Variants in CPAMD8 observed in about 807,000 individuals in gnomAD.
CPAMD8 encodes C3 and PZP-like alpha-2-macroglobulin domain-containing protein 8.
A neutral mutation model predicts 224.7 loss-of-function variants in CPAMD8; 146 were observed. That is an observed-to-expected ratio of 0.65 (90% CI 0.57 to 0.75). The LOEUF is 0.75. Among genes scored for constraint, CPAMD8 ranks in the 30% least tolerant of loss-of-function variants. The probability of loss-of-function intolerance (pLI) is 0.00; values close to 1 mark genes in which losing one functional copy is unlikely to be tolerated. For synonymous variants in CPAMD8, 966 were observed against 1,044.6 expected (o/e 0.92, Z 1.45); for missense variants, 2,301 against 2,537.5 (o/e 0.91, Z 2.00).
intron 14 of CPAMD8, among the ~76,000 whole-genome samples, chr19:16,979,643 T>C (rs887009733): frequency 2.6e-5 from 4 of 151,938 alleles, no homozygotes; most frequent in Non-Finnish European, 4.4e-5. Context: ...TCTTTCTATC[T>C]GTCCATCCAT....
chr19:16,906,395 TTTCTTTCTTTCTTTCCTTCC>T (rs1207930022), intron 30 of CPAMD8, among the ~76,000 whole-genome samples: 53 of 80,190 alleles, frequency 6.6e-4, no homozygotes, highest in Admixed American at 1.2e-3. Flanking sequence ...TCTTTCTTTC[TTTCTTTCTTTCTTTCCTTCC>T]TTCCTTCCTT....
In CPAMD8 at chr19:16,899,645, C is replaced by A; in HGVS notation, c.4774-96G>T. ...TGGTCAGTGGGATGCTTGGACTTGCCCACAAGTTACCATGGGCTGGGGTCT... is the reference window on the plus strand; with the variant it reads ...TGGTCAGTGGGATGCTTGGACTTGCACACAAGTTACCATGGGCTGGGGTCT... On this transcript the variant is annotated intron_variant, in intron 36 of 41. Transcript: ENST00000443236. This position sits in a 1 kb window ranked among gnomAD's most constrained non-coding sequence, Gnocchi z 5.4. The A allele has an allele frequency of 1.4e-6, 1 of 720,394 alleles. No individual in the cohort carries two copies. The allele number at this position is 720,394 out of a possible 1,614,324, so 44.6% of individuals were successfully genotyped here.
chr19:16,903,588 G>A lies in CPAMD8; in HGVS notation c.4443C>T (p.Ala1481=). The change falls in exon 34 of 42, where the codon GCC becomes GCT. Residue 1481 remains alanine, a synonymous_variant. Transcript: ENST00000443236. ...PSLPTGLFVS[A]KGDGCCLMQI... is the part of the protein sequence containing the mutation. ...GCATCAGGCAGCAGCCGTCCCCCTT[G>A]GCACTCACAAACAGCCCCGTGGGGA... 4 of 1,614,116 alleles carry A rather than the reference G, an allele frequency of 2.5e-6. No individual in the cohort carries two copies. The highest frequency in any genetic ancestry group is 2.5e-6 in the Non-Finnish European group (3 of 1,180,006).
At chr19:16,951,362 G>A (rs542633222) in intron 20 of CPAMD8, among the ~76,000 whole-genome samples, 3 of 151,902 alleles carry the variant, frequency 2.0e-5, no homozygotes, top group East Asian at 3.9e-4. Context: ...ATGGTTAGGA[G>A]GAAAAAAAAT....
chr19:17,009,221 T>C (rs376317363), intron 6 of CPAMD8, 82 bp downstream of exon 6: 28 of 1,610,802 alleles, frequency 1.7e-5, no homozygotes, highest in East Asian at 2.2e-5. Context: ...AGGCAGACAG[T>C]GAGCGAAGAC....
intron 22 of CPAMD8, among the ~76,000 whole-genome samples, chr19:16,939,584 G>A (rs114545189): frequency 0.015 from 2,325 of 152,268 alleles, 52 homozygotes; most frequent in African/African-American, 0.05. Flanking sequence ...CTCTATCTGG[G>A]CGCGTCCAGG....
intron 20 of CPAMD8, 132 bp from the exon 21 acceptor site, chr19:16,947,359 C>G (rs1022109602): frequency 6.2e-6 from 7 of 1,136,646 alleles, no homozygotes; most frequent in South Asian, 3.1e-5. Context: ...ATGCTCCCCC[C>G]GGGAAGGTCC....
intron 16 of CPAMD8, 97 bp from the exon 17 acceptor site, chr19:16,975,355 T>C: frequency 1.1e-6 from 1 of 941,500 alleles, no homozygotes; most frequent in Middle Eastern, 2.3e-4. Context: ...CCAACCTCTT[T>C]ATCACGTCAT....
At chr19:16,964,876 G>C (rs2054775004) in intron 18 of CPAMD8, among the ~76,000 whole-genome samples, 1 of 152,152 alleles carries the variant, frequency 6.6e-6, no homozygotes, top group Non-Finnish European at 1.5e-5. Context: ...TGGGATGCAA[G>C]CCTGGTTCAA....
chr19:16,998,741 A>T (rs1016062888), intron 10 of CPAMD8, among the ~76,000 whole-genome samples: 1 of 152,186 alleles, frequency 6.6e-6, no homozygotes, highest in African/African-American at 2.4e-5. Context: ...TGGGAATATA[A>T]AATAGTGCAG....
At chr19:16,952,308 A>T in intron 19 of CPAMD8, 108 bp from the exon 20 acceptor site, 2 of 675,138 alleles carry the variant, frequency 3.0e-6, no homozygotes, top group Non-Finnish European at 2.6e-6. Context: ...GAGGCACCCT[A>T]GGAGCTTAGA....
intron 11 of CPAMD8, among the ~76,000 whole-genome samples, chr19:16,995,388 GTTTTTGT>G (rs898041308): frequency 8.6e-5 from 13 of 152,018 alleles, no homozygotes; most frequent in African/African-American, 1.2e-4. Flanking sequence ...CCCCAGGTTT[GTTTTTGT>G]TTTTTGTTTT....
intron 29 of CPAMD8, chr19:16,907,606 CAA>C (rs374664610): frequency 0.17 from 21,759 of 128,232 alleles, 2,133 homozygotes; most frequent in Admixed American, 0.29. Flanking sequence ...GGCTCCGTCT[CAA>C]AAAAAAAAAA....
At chr19:17,011,364 G>A in intron 5 of CPAMD8, 100 bp downstream of exon 5, 1 of 1,286,410 alleles carries the variant, frequency 7.8e-7, no homozygotes. Flanking sequence ...AAATAGAAAA[G>A]AGAAGTTCTG....
chr19:16,944,873 C>A (rs1292940901), intron 22 of CPAMD8, among the ~76,000 whole-genome samples: 1 of 142,676 alleles, frequency 7.0e-6, no homozygotes, highest in Admixed American at 6.8e-5. Flanking sequence ...TGAGTCCCTT[C>A]GGGCTGCTGT....
chr19:16,988,564 C>A (rs904153519), intron 13 of CPAMD8, among the ~76,000 whole-genome samples: 2 of 151,752 alleles, frequency 1.3e-5, no homozygotes, highest in Admixed American at 6.6e-5. Flanking sequence ...GAGCTGAGAT[C>A]GTGCCACTGC....
Position 16,984,274 on chromosome 19 carries a change from A to C in CPAMD8, c.1396-3588T>G, listed in dbSNP as rs147459414. On this transcript the variant is annotated intron_variant, in intron 13 of 41. Coordinates refer to ENST00000443236, the MANE Select transcript of CPAMD8 (RefSeq NM_015692.5). ...AGCTGCAGTGAGCTATGATCACACT[A>C]CTGCACCTCAGCCTGGGTGACAGAG... 5.9e-3 allele frequency among the ~76,000 whole-genome samples: 882 copies of C among 148,912 alleles called. 3 individuals are homozygous for C. Among genetic ancestry groups the C allele is most frequent in the African/African-American group, 0.021 (837 of 40,074 alleles).
intron 17 of CPAMD8, among the ~76,000 whole-genome samples, chr19:16,973,106 C>G (rs145023380): frequency 0.011 from 1,637 of 152,096 alleles, 25 homozygotes; most frequent in African/African-American, 0.037. Flanking sequence ...GAGGTCGAGA[C>G]TGAAGTGAGC....
At chr19:16,952,326 A>G in intron 19 of CPAMD8, 126 bp from the exon 20 acceptor site, 1 of 643,428 alleles carries the variant, frequency 1.6e-6, no homozygotes, top group East Asian at 2.8e-5. Flanking sequence ...AGAAACAAGC[A>G]TTGAAGGCAT....
Sources: allele counts gnomAD v4.1 joint callset (sites outside exome capture counted in the v4.1 genomes callset), GRCh38; gene constraint gnomAD v4.1.1; non-coding constraint Gnocchi (gnomAD v3.1); transcripts MANE v1.5; gene names NCBI Gene and HGNC (gene_info 2026-07-23, HGNC 2026-07-21).